SH3D19: variants seen among roughly 807,000 people sequenced by gnomAD.
The protein encoded by SH3D19 is SH3 domain-containing protein 19.
SH3D19 carries 58 observed loss-of-function variants against 112.1 expected under a neutral mutation model. That is an observed-to-expected ratio of 0.52 (90% confidence interval 0.42 to 0.64). The LOEUF is 0.64. Among genes scored for constraint, SH3D19 ranks in the 30% least tolerant of loss-of-function variants. The pLI, the probability that SH3D19 is intolerant of heterozygous loss-of-function variation, is 0.00. For missense variants in SH3D19, 1,090 were observed against 1,263.4 expected (o/e 0.86, Z 2.08); for synonymous variants, 391 against 448.5 (o/e 0.87, Z 1.62).
chr4:151,220,948 G>C (rs1234664792), intron 2 of SH3D19, among the ~76,000 whole-genome samples: 1 of 152,194 alleles, frequency 6.6e-6, no homozygotes, highest in Non-Finnish European at 1.5e-5. Flanking sequence ...TAGTAAGGTT[G>C]AGACAAGAAC....
In SH3D19 at chr4:151,175,445, T is replaced by C; in HGVS notation, c.759A>G (p.Pro253=). 6.6e-7 allele frequency: 1 copy of C among 1,514,884 alleles called. No individual in the cohort carries two copies. The highest frequency in any genetic ancestry group is 8.8e-7 in the Non-Finnish European group (1 of 1,135,740). 93.8% of individuals were successfully genotyped at this position (1,514,884 alleles called of 1,614,324 possible). ...IKEQSQQKIS[P]AAVGEESSPG... ...GGGATGACTCCTCTCCTACGGCTGC[T>C]GGGCTGATTTTCTGTTGACTTTGCT... The change falls in exon 7 of 20, where the codon CCA becomes CCG. Residue 253 remains proline (P), a synonymous_variant. Coordinates refer to ENST00000604030, the MANE Select transcript of SH3D19 (RefSeq NM_001378122.1).
intron 17 of SH3D19, among the ~76,000 whole-genome samples, chr4:151,131,778 G>A (rs200458951): frequency 5.4e-5 from 8 of 149,030 alleles, no homozygotes; most frequent in South Asian, 2.1e-4. Flanking sequence ...ATGAGCCACC[G>A]CGCACAGCCT....
chr4:151,279,852 G>A, intron 1 of SH3D19: 1 of 1,602,484 alleles, frequency 6.2e-7, no homozygotes, highest in Non-Finnish European at 8.5e-7. Flanking sequence ...TGCTGCTGCA[G>A]GGCGCTGGCC....
At chr4:151,177,691 T>C (rs1403853657) in intron 4 of SH3D19, among the ~76,000 whole-genome samples, 1 of 152,222 alleles carries the variant, frequency 6.6e-6, no homozygotes, top group Non-Finnish European at 1.5e-5. Context: ...AAATGCAAAA[T>C]TACCATTTAA....
At chr4:151,281,665 C>T (rs1774245993) in intron 1 of SH3D19, among the ~76,000 whole-genome samples, 1 of 133,108 alleles carries the variant, frequency 7.5e-6, no homozygotes, top group African/African-American at 2.7e-5. Context: ...GGGCAGAGAA[C>T]TTGTTATTTA....
rs140205256 is a variant in SH3D19 at position 151,159,600 on chromosome 4, T to C, written c.1643-248A>G. 2.6e-5 allele frequency among the ~76,000 whole-genome samples: 4 copies of C among 152,328 alleles called. No homozygotes were observed. The East Asian group carries it at 5.8e-4, about 22-fold the overall frequency. On this transcript the variant is annotated intron_variant, in intron 8 of 19. Coordinates refer to ENST00000604030, the MANE Select transcript of SH3D19 (RefSeq NM_001378122.1). ...AACAATTCAACAGCAGCCAGCATTG[T>C]TGAGAACCTTTTATGTGCCAGGAAT...
chr4:151,191,331 G>A (rs1762592706), intron 2 of SH3D19, among the ~76,000 whole-genome samples: 1 of 152,146 alleles, frequency 6.6e-6, no homozygotes, highest in Admixed American at 6.5e-5. Context: ...CTCTTACGAA[G>A]GCATGATTGG....
intron 2 of SH3D19, among the ~76,000 whole-genome samples, chr4:151,223,962 T>G (rs1041393508): frequency 6.6e-6 from 1 of 152,228 alleles, no homozygotes; most frequent in African/African-American, 2.4e-5. Context: ...GTCACTCCAC[T>G]GCATACTTCA....
intron 17 of SH3D19, among the ~76,000 whole-genome samples, chr4:151,130,295 C>A (rs548830980): frequency 6.6e-6 from 1 of 151,944 alleles, no homozygotes; most frequent in Non-Finnish European, 1.5e-5. Context: ...CAAAAATTAG[C>A]TGGGAGTGGT....
chr4:151,302,659 T>A (rs1332682831), intron 1 of SH3D19, among the ~76,000 whole-genome samples: 4 of 152,148 alleles, frequency 2.6e-5, no homozygotes, highest in Admixed American at 2.0e-4. Flanking sequence ...ACAAAAACAG[T>A]CAGTGAGCCT....
chr4:151,208,510 A>G (rs750768185), intron 2 of SH3D19, among the ~76,000 whole-genome samples: 10 of 152,208 alleles, frequency 6.6e-5, no homozygotes, highest in Admixed American at 2.0e-4. Context: ...AGCTGGGATT[A>G]CAGGCATGCG....
At chr4:151,173,050 G>A (rs1189980471) in intron 7 of SH3D19, among the ~76,000 whole-genome samples, 1 of 152,202 alleles carries the variant, frequency 6.6e-6, no homozygotes, top group Admixed American at 6.5e-5. Context: ...GCATGAGACT[G>A]TATTCATGCT....
rs534354815 is a variant in SH3D19 at position 151,203,533 on chromosome 4, G to A, written c.153-16070C>T. On this transcript the variant is annotated intron_variant, in intron 2 of 19. Coordinates refer to ENST00000604030, the MANE Select transcript of SH3D19 (RefSeq NM_001378122.1). Reference sequence around the variant, plus strand: ...CTCATGATTACGGACCATGGCTGGAGATAAAAAAATGAACCACTGCCCTCA... The same window carrying A: ...CTCATGATTACGGACCATGGCTGGAAATAAAAAAATGAACCACTGCCCTCA... Among the ~76,000 whole-genome samples, 3 of 152,246 alleles carry A rather than the reference G, an allele frequency of 2.0e-5. No individual in the cohort carries two copies. In the East Asian group the frequency reaches 5.8e-4, roughly 29 times the overall value.
intron 1 of SH3D19, among the ~76,000 whole-genome samples, chr4:151,244,592 AATC>A (rs1770798138): frequency 6.6e-6 from 1 of 152,248 alleles, no homozygotes; most frequent in African/African-American, 2.4e-5. Context: ...GGCCTGACCA[AATC>A]ATGTTATAGT....
At chr4:151,198,545 GT>G (rs1482515440) in intron 2 of SH3D19, among the ~76,000 whole-genome samples, 2 of 150,062 alleles carry the variant, frequency 1.3e-5, no homozygotes, top group African/African-American at 4.9e-5. Flanking sequence ...TTGATCAAAG[GT>G]TTTAGGTTAG....
At chr4:151,285,575 A>G (rs1324399837) in intron 1 of SH3D19, among the ~76,000 whole-genome samples, 1 of 152,218 alleles carries the variant, frequency 6.6e-6, no homozygotes, top group East Asian at 1.9e-4. Flanking sequence ...GTGCTTAGAG[A>G]GAAATTTATA....
chr4:151,191,545 T>C (rs1762629381), intron 2 of SH3D19, among the ~76,000 whole-genome samples: 1 of 152,202 alleles, frequency 6.6e-6, no homozygotes, highest in Admixed American at 6.5e-5. Flanking sequence ...CTGGAAGATC[T>C]GATGGTTTTA....
At chr4:151,284,211 CTTG>C (rs1774519113) in intron 1 of SH3D19, among the ~76,000 whole-genome samples, 1 of 152,138 alleles carries the variant, frequency 6.6e-6, no homozygotes, top group Non-Finnish European at 1.5e-5. Flanking sequence ...AAACCATAAA[CTTG>C]TTAAGTTATA....
At position 151,137,768 on chromosome 4, in the gene SH3D19, C is replaced by G. The variant is rs754018218; in HGVS notation, c.2391G>C (p.Gln797His). Residue 797 changes from glutamine (Q) to histidine (H), a missense_variant, in exon 14 of 20, where the codon CAG (glutamine) becomes CAC (histidine). Transcript: ENST00000604030. Reference sequence around the variant, plus strand: ...CATAGTTGGCAGGAAATATGCCAATCTGGTTTCTACAGTTCCCTCTGTACC... The same window carrying G: ...CATAGTTGGCAGGAAATATGCCAATGTGGTTTCTACAGTTCCCTCTGTACC... ...TDWYRGNCRN[Q>H]IGIFPANYVK... 6.2e-7 allele frequency: 1 copy of G among 1,603,520 alleles called. No individual in the cohort carries two copies. The highest frequency in any genetic ancestry group is 8.5e-7 in the Non-Finnish European group (1 of 1,176,262).
Sources: gnomAD v4.1 joint callset for allele counts (sites outside exome capture counted in the v4.1 genomes callset) on GRCh38, gnomAD v4.1.1 for gene constraint, MANE v1.5 for transcripts, NCBI Gene and HGNC (gene_info 2026-07-23, HGNC 2026-07-21) for gene names.